Variants in DST observed in about 807,000 individuals in gnomAD.
DST encodes dystonin, also known as bullous pemphigoid antigen.
A neutral mutation model predicts 875.2 loss-of-function variants in DST; 253 were observed. That is an observed-to-expected ratio of 0.29 (90% CI 0.26 to 0.32). The LOEUF (loss-of-function observed/expected upper bound fraction) is 0.32. DST is among the 10% of genes least tolerant of loss of function. DST has a pLI of 1.00. For synonymous variants in DST, 3,124 were observed against 3,197.1 expected (o/e 0.98, Z 0.77); for missense variants, 8,287 against 9,111.6 (o/e 0.91, Z 3.68).
intron 4 of DST, among the ~76,000 whole-genome samples, chr6:56,792,031 A>C (rs2099725666): frequency 6.6e-6 from 1 of 152,274 alleles, no homozygotes; most frequent in African/African-American, 2.4e-5. Flanking sequence ...AAGCAAAGGA[A>C]ATGCTTAAAG....
chr6:56,735,609 A>T (rs969279609), intron 4 of DST, among the ~76,000 whole-genome samples: 2 of 151,174 alleles, frequency 1.3e-5, no homozygotes. Context: ...CCTTGCACTG[A>T]ATTTCCCAAA....
At chr6:56,500,119 C>T (rs747379558) in intron 80 of DST, among the ~76,000 whole-genome samples, 22 of 152,076 alleles carry the variant, frequency 1.4e-4, no homozygotes, top group Non-Finnish European at 3.2e-4. Context: ...TAGTCAAAAA[C>T]TGTACAGCAT....
chr6:56,889,171 G>A (rs926039048), intron 3 of DST, among the ~76,000 whole-genome samples: 10 of 152,162 alleles, frequency 6.6e-5, no homozygotes, highest in South Asian at 2.1e-4. Flanking sequence ...ATTCATTTTC[G>A]GAGTCATCCC....
intron 2 of DST, among the ~76,000 whole-genome samples, chr6:56,902,379 A>G (rs1362239943): frequency 6.6e-6 from 1 of 152,268 alleles, no homozygotes; most frequent in Non-Finnish European, 1.5e-5. Flanking sequence ...GAGAAAAGGC[A>G]TAATAATGAT....
chr6:56,582,846 T>C (rs529551720), intron 49 of DST, among the ~76,000 whole-genome samples: 4 of 151,986 alleles, frequency 2.6e-5, no homozygotes, highest in African/African-American at 9.6e-5. Context: ...ACATGCGGTG[T>C]TTGGTTTTTT....
intron 4 of DST, among the ~76,000 whole-genome samples, chr6:56,762,828 T>C (rs1377975065): frequency 1.3e-5 from 2 of 150,974 alleles, no homozygotes; most frequent in Non-Finnish European, 1.5e-5. Context: ...GTAAAACAAA[T>C]TTACGAGAAC....
Position 56,941,358 on chromosome 6 carries a change from A to G in DST, c.216+12427T>C, listed in dbSNP as rs79110380. ...ATAAATATTTGAGATTTTCTTGGAG[A>G]TATTACTGATTCCTATATAATCTGT... On this transcript the variant is annotated intron_variant, in intron 2 of 103. Coordinates refer to ENST00000680361, the MANE Select transcript of DST (RefSeq NM_001374736.1). Among the ~76,000 whole-genome samples the G allele has an allele frequency of 2.0e-5, 3 of 152,296 alleles. No individual in the cohort carries two copies. The East Asian group carries it at 5.8e-4, about 29-fold the overall frequency.
At chr6:56,893,562 C>CTTTTTTTTTTTTTTTTTTTTTTT (rs1282483681) in intron 3 of DST, among the ~76,000 whole-genome samples, 53 of 35,864 alleles carry the variant, frequency 1.5e-3, no homozygotes, top group South Asian at 4.9e-3. Context: ...ACTTTTAGTT[C>CTTTTTTTTTTTTTTTTTTTTTTT]TTTTTTTTTT....
At chr6:56,601,771 A>G in intron 43 of DST, 95 bp from the exon 44 acceptor site, 3 of 759,216 alleles carry the variant, frequency 4.0e-6, no homozygotes, top group Non-Finnish European at 2.0e-6. Context: ...TACATTTCTC[A>G]CATCAGGGAA....
intron 36 of DST, chr6:56,619,010 T>C (rs1181231388): frequency 3.7e-6 from 6 of 1,614,254 alleles, no homozygotes; most frequent in South Asian, 1.1e-5. Context: ...CTTGGTATTC[T>C]GGATGATAAT....
chr6:56,586,930 C>A (rs1201395160), intron 49 of DST, among the ~76,000 whole-genome samples: 2 of 152,028 alleles, frequency 1.3e-5, no homozygotes, highest in Admixed American at 6.6e-5. Flanking sequence ...TCATCAAAGA[C>A]CAAAAGTAGA....
rs35870270 is a variant in DST at position 56,865,261 on chromosome 6, C to CTGTGTGTG, written c.418-13665_418-13658dup. Among the ~76,000 whole-genome samples the CTGTGTGTG allele has an allele frequency of 7.1e-3, 1,026 of 143,776 alleles. 13 individuals are homozygous for CTGTGTGTG. Among genetic ancestry groups the CTGTGTGTG allele is most frequent in the African/African-American group, 0.023 (928 of 39,866 alleles). 94.3% of individuals were successfully genotyped at this position (143,776 alleles called of 152,430 possible). ...TCTACCTCCCTGCTTCCCTAGTTTTCTGTGTGTGTGTGTGTGTGTGTGTGT... is the reference window on the plus strand; with the variant it reads ...TCTACCTCCCTGCTTCCCTAGTTTTCTGTGTGTGTGTGTGTGTGTGTGTGTGTGTGTGT... On this transcript the variant is annotated intron_variant, in intron 3 of 103. Transcript: ENST00000680361.
chr6:56,668,853 A>G (rs7760515), intron 10 of DST, among the ~76,000 whole-genome samples: 19,227 of 151,906 alleles, frequency 0.13, 2,731 homozygotes, highest in African/African-American at 0.35. Flanking sequence ...GTTTTTAGAC[A>G]TTGAAATTTC....
chr6:56,609,036 T>C lies in DST; in HGVS notation c.5592A>G (p.Ile1864Met). The C allele has an allele frequency of 1.2e-6, 2 of 1,613,856 alleles. No individual in the cohort carries two copies. The highest frequency in any genetic ancestry group is 1.7e-6 in the Non-Finnish European group (2 of 1,179,790). ...GAACTTTGATGGCCATGGATTCTGTTATCATGCTTTGAGCTAGAGCATCCA... is the reference window on the plus strand; with the variant it reads ...GAACTTTGATGGCCATGGATTCTGTCATCATGCTTTGAGCTAGAGCATCCA... ...PVLDALAQSMITESMAIKVLE... is the reference protein window; with the variant it reads ...PVLDALAQSMMTESMAIKVLE... The change falls in exon 40 of 104, where the codon ATA (isoleucine) becomes ATG (methionine). Residue 1864 changes from isoleucine to methionine, a missense_variant. This residue lies in a region of DST where 3,138 missense variants were observed against 3,116.6 expected (regional missense o/e 1.01). Transcript: ENST00000680361.
intron 53 of DST, 53 bp from the exon 54 acceptor site, chr6:56,570,065 AATT>A (rs2097757294): frequency 7.9e-7 from 1 of 1,273,058 alleles, no homozygotes; most frequent in Non-Finnish European, 1.1e-6. Context: ...AGAATAAATA[AATT>A]ATTATTCTCA....
rs1244869689 is a variant in DST, at chr6:56,633,794, G to A, written c.3621+338C>T. Among the ~76,000 whole-genome samples, 17 of 152,280 alleles carry A rather than the reference G, an allele frequency of 1.1e-4. No homozygotes were observed. In the East Asian group the frequency reaches 1.7e-3, roughly 16 times the overall value. On this transcript the variant is annotated intron_variant, in intron 27 of 103. Transcript: ENST00000680361. ...TGGGATTACAGGCGTGAGCCACCGC[G>A]CCCAGCCAACAATTTTAGGTTTTAA...
intron 36 of DST, among the ~76,000 whole-genome samples, chr6:56,623,270 C>T (rs985644288): frequency 6.6e-6 from 1 of 152,034 alleles, no homozygotes; most frequent in Non-Finnish European, 1.5e-5. Context: ...CAGATACATA[C>T]TATGAGAAAA....
rs778407454 is a variant in DST, at chr6:56,954,593, G to GGGCGA, written c.-11_-7dup. On this transcript the variant is annotated 5_prime_UTR_variant, in exon 1 of 104. Coordinates refer to ENST00000680361, the MANE Select transcript of DST (RefSeq NM_001374736.1). ...AGGAAAGCCGCGGCGATCATGGTGCGGGCGAGGCGAGGGCGACTCGACGGC... is the reference window on the plus strand; with the variant it reads ...AGGAAAGCCGCGGCGATCATGGTGCGGGCGAGGCGAGGCGAGGGCGACTCGACGGC... 2,516 of 1,349,506 alleles carry GGGCGA rather than the reference G, an allele frequency of 1.9e-3. 1 individual carries two copies. Among genetic ancestry groups the GGGCGA allele is most frequent in the Non-Finnish European group, 2.0e-3 (2,032 of 1,013,326 alleles). The allele number at this position is 1,349,506 out of a possible 1,614,324, so 83.6% of individuals were successfully genotyped here. A position where few individuals can be genotyped will look rare whatever the true frequency, so the allele number is the denominator to read the frequency against.
chr6:56,657,303 T>C (rs895309621), intron 10 of DST, among the ~76,000 whole-genome samples: 1 of 152,078 alleles, frequency 6.6e-6, no homozygotes, highest in Non-Finnish European at 1.5e-5. Context: ...TTATTAAATA[T>C]ACAAGAAAAG....
Sources: gnomAD v4.1 joint callset for allele counts (sites outside exome capture counted in the v4.1 genomes callset) on GRCh38, gnomAD v4.1.1 for gene constraint, gnomAD v4.1.1 regional missense constraint, MANE v1.5 for transcripts, NCBI Gene and HGNC (gene_info 2026-07-23, HGNC 2026-07-21) for gene names.